CADPS2: variants seen among roughly 807,000 people sequenced by gnomAD.
CADPS2 encodes calcium dependent secretion activator 2.
CADPS2 carries 93 observed loss-of-function variants against 172.5 expected under a neutral mutation model. That is an observed-to-expected ratio of 0.54 (90% CI 0.46 to 0.64). CADPS2 has a LOEUF of 0.64. Among genes scored for constraint, CADPS2 ranks in the 30% least tolerant of loss-of-function variants. The pLI, the probability that CADPS2 is intolerant of heterozygous loss-of-function variation, is 0.00. For synonymous variants in CADPS2, 546 were observed against 555.2 expected (o/e 0.98, Z 0.23); for missense variants, 1,420 against 1,565.9 (o/e 0.91, Z 1.57).
At chr7:122,773,790 A>G (rs564488065) in intron 1 of CADPS2, among the ~76,000 whole-genome samples, 13 of 152,090 alleles carry the variant, frequency 8.5e-5, no homozygotes, top group Non-Finnish European at 1.5e-4. Flanking sequence ...ACTTCAAATT[A>G]TCATCCCAGT....
At chr7:122,819,745 C>T (rs1280917562) in intron 1 of CADPS2, among the ~76,000 whole-genome samples, 1 of 152,088 alleles carries the variant, frequency 6.6e-6, no homozygotes, top group East Asian at 1.9e-4. Context: ...AGCTATATCT[C>T]ATCGCCACCC....
chr7:122,793,067 T>C (rs545842447), intron 1 of CADPS2, among the ~76,000 whole-genome samples: 1 of 152,340 alleles, frequency 6.6e-6, no homozygotes, highest in Admixed American at 6.5e-5. Context: ...AACACTGATT[T>C]GTTATATCAA....
At chr7:122,390,207 T>C (rs780663735) in intron 22 of CADPS2, among the ~76,000 whole-genome samples, 1 of 152,024 alleles carries the variant, frequency 6.6e-6, no homozygotes, top group Non-Finnish European at 1.5e-5. Context: ...CACCGTAATA[T>C]TCAGTGCCTC....
At chr7:122,824,539 T>G (rs772165353) in intron 1 of CADPS2, among the ~76,000 whole-genome samples, 9 of 149,218 alleles carry the variant, frequency 6.0e-5, no homozygotes, top group Admixed American at 2.6e-4. Context: ...GTATTTAGTT[T>G]TCTTTTAACT....
intron 1 of CADPS2, among the ~76,000 whole-genome samples, chr7:122,741,648 A>C (rs893999349): frequency 1.3e-5 from 2 of 152,196 alleles, no homozygotes; most frequent in African/African-American, 4.8e-5. Flanking sequence ...TCTAATCAAC[A>C]TATTAATCTG....
chr7:122,656,931 T>C (rs1422425712), intron 3 of CADPS2, among the ~76,000 whole-genome samples: 1 of 152,238 alleles, frequency 6.6e-6, no homozygotes, highest in Non-Finnish European at 1.5e-5. Flanking sequence ...CTAGGGTTTT[T>C]ATGGTTTTAG....
chr7:122,746,549 A>C (rs1337889164), intron 1 of CADPS2, among the ~76,000 whole-genome samples: 1 of 151,998 alleles, frequency 6.6e-6, no homozygotes, highest in Non-Finnish European at 1.5e-5. Context: ...TCCCTGGGCC[A>C]TATTGGAAGA....
At chr7:122,884,634 T>C (rs1823814723) in intron 1 of CADPS2, among the ~76,000 whole-genome samples, 3 of 152,192 alleles carry the variant, frequency 2.0e-5, no homozygotes, top group South Asian at 4.1e-4. Flanking sequence ...GATTCCAAAA[T>C]AGTTGCTCAG....
At chr7:122,555,235 T>C (rs2064884632) in intron 7 of CADPS2, among the ~76,000 whole-genome samples, 1 of 152,100 alleles carries the variant, frequency 6.6e-6, no homozygotes, top group Non-Finnish European at 1.5e-5. Flanking sequence ...TGACATGTTT[T>C]CAAAACTATA....
At chr7:122,324,666 G>A (rs1303972156) in intron 29 of CADPS2, among the ~76,000 whole-genome samples, 1 of 151,896 alleles carries the variant, frequency 6.6e-6, no homozygotes, top group Non-Finnish European at 1.5e-5. Context: ...ACTAATAAAT[G>A]GTACTATAAT....
chr7:122,574,713 C>T (rs1039976119), intron 7 of CADPS2, among the ~76,000 whole-genome samples: 3 of 151,774 alleles, frequency 2.0e-5, no homozygotes, highest in Non-Finnish European at 4.4e-5. Flanking sequence ...AAGGAACACA[C>T]ATACGCAAAT....
chr7:122,349,756 A>C (rs1202498249), intron 27 of CADPS2, among the ~76,000 whole-genome samples: 1 of 152,058 alleles, frequency 6.6e-6, no homozygotes, highest in East Asian at 1.9e-4. Flanking sequence ...CTGTTTAAAG[A>C]GAAAAAAATT....
At chr7:122,579,936 G>C (rs2068580881) in intron 7 of CADPS2, among the ~76,000 whole-genome samples, 1 of 152,078 alleles carries the variant, frequency 6.6e-6, no homozygotes, top group African/African-American at 2.4e-5. Flanking sequence ...AAAATTCCAA[G>C]AGTATAAAGG....
chr7:122,374,268 A>G (rs1432348570), intron 25 of CADPS2, among the ~76,000 whole-genome samples: 3 of 152,200 alleles, frequency 2.0e-5, no homozygotes, highest in Non-Finnish European at 4.4e-5. Flanking sequence ...AATAAAGGCT[A>G]TATGAAAAGC....
intron 17 of CADPS2, among the ~76,000 whole-genome samples, chr7:122,417,868 T>C (rs780358898): frequency 1.3e-5 from 2 of 152,164 alleles, no homozygotes; most frequent in Non-Finnish European, 2.9e-5. Context: ...GAAGAAATAC[T>C]GTATGACACA....
intron 2 of CADPS2, among the ~76,000 whole-genome samples, chr7:122,683,809 C>T (rs2083332137): frequency 1.3e-5 from 2 of 152,082 alleles, no homozygotes; most frequent in South Asian, 4.2e-4. Flanking sequence ...ATGTTCTCCC[C>T]AAGTCTACAT....
chr7:122,781,875 G>T (rs1372968324), intron 1 of CADPS2, among the ~76,000 whole-genome samples: 1 of 151,952 alleles, frequency 6.6e-6, no homozygotes, highest in Admixed American at 6.5e-5. Flanking sequence ...AATAACCACG[G>T]TGAAATATGA....
chr7:122,588,456 T>A (rs889946803), intron 6 of CADPS2, among the ~76,000 whole-genome samples: 2 of 152,032 alleles, frequency 1.3e-5, no homozygotes, highest in Non-Finnish European at 2.9e-5. Flanking sequence ...AAATAGGTAA[T>A]CCTTTCCCCA....
chr7:122,531,205 A>C (rs543432938), intron 8 of CADPS2, among the ~76,000 whole-genome samples: 1 of 152,244 alleles, frequency 6.6e-6, no homozygotes, highest in East Asian at 1.9e-4. Flanking sequence ...AGACTTTCAG[A>C]AGTTCTACAC....
Sources: gnomAD v4.1 joint callset for allele counts (sites outside exome capture counted in the v4.1 genomes callset) on GRCh38, gnomAD v4.1.1 for gene constraint, MANE v1.5 for transcripts, NCBI Gene and HGNC (gene_info 2026-07-23, HGNC 2026-07-21) for gene names.